MYOM2: variants seen among roughly 807,000 people sequenced by gnomAD.
MYOM2 encodes myomesin-2.
In MYOM2, 254 loss-of-function variants were observed where a neutral mutation model predicts 187.6. The observed-to-expected ratio is 1.35, with a 90% CI of 1.22 to 1.50. MYOM2 has a LOEUF of 1.50. MYOM2 is among the 40% of genes most tolerant of loss of function. The probability of loss-of-function intolerance (pLI) is 0.00; values close to 1 mark genes in which losing one functional copy is unlikely to be tolerated. For missense variants in MYOM2, 2,796 were observed against 1,924.0 expected (o/e 1.45, Z -8.48); for synonymous variants, 981 against 753.8 (o/e 1.30, Z -4.94).
At chr8:2,140,107 T>C (rs1199438173) in intron 32 of MYOM2, among the ~76,000 whole-genome samples, 1 of 152,136 alleles carries the variant, frequency 6.6e-6, no homozygotes, top group Non-Finnish European at 1.5e-5. Context: ...ACAGTTCTAC[T>C]TCCTGTCTCT....
chr8:2,140,815 A>C lies in MYOM2; in HGVS notation c.3893A>C (p.Lys1298Thr), dbSNP rs767480292. The change falls in exon 33 of 37, where the codon AAA (lysine) becomes ACA (threonine). Residue 1298 changes from lysine to threonine, a missense_variant. Transcript: ENST00000262113. Reference sequence around the variant, plus strand: ...ATATGTGAGCCGACTGAGAAGGATAAAGGAAAATACACTTTTGAGATTTTC... The same window carrying C: ...ATATGTGAGCCGACTGAGAAGGATACAGGAAAATACACTTTTGAGATTTTC... Reference protein sequence around the residue: ...LQICEPTEKDKGKYTFEIFDG... With the variant: ...LQICEPTEKDTGKYTFEIFDG... 101 of 1,614,002 alleles carry C rather than the reference A, an allele frequency of 6.3e-5. 4 individuals carry two copies. In the South Asian group the frequency reaches 8.7e-4, roughly 14 times the overall value.
rs375283931 is a variant in MYOM2, at chr8:2,105,541, G to T, written c.2735-701G>T. On this transcript the variant is annotated intron_variant, in intron 21 of 36. Coordinates refer to ENST00000262113, the MANE Select transcript of MYOM2 (RefSeq NM_003970.4). ...GGGGGAGCTTCATGGTGGGCACATG[G>T]CTGCTGGGCTTCCCCTGAGGGTCAG... Among the ~76,000 whole-genome samples, 11 of 152,198 alleles carry T rather than the reference G, an allele frequency of 7.2e-5. No individual in the cohort carries two copies. The South Asian group carries it at 1.0e-3, about 14-fold the overall frequency.
At chr8:2,081,533 G>C (rs1403692719) in intron 13 of MYOM2, among the ~76,000 whole-genome samples, 1 of 152,246 alleles carries the variant, frequency 6.6e-6, no homozygotes, top group African/African-American at 2.4e-5. Context: ...GGATGTGTAG[G>C]AATCCAGCCT....
chr8:2,088,551 C>G (rs1796177403), intron 14 of MYOM2, among the ~76,000 whole-genome samples: 1 of 152,236 alleles, frequency 6.6e-6, no homozygotes, highest in Non-Finnish European at 1.5e-5. Context: ...TGTCAATTCA[C>G]TTAGGATAAC....
At chr8:2,096,226 C>T (rs772561907) in intron 17 of MYOM2, 21 bp from the exon 18 acceptor site, 46 of 1,607,590 alleles carry the variant, frequency 2.9e-5, no homozygotes, top group Non-Finnish European at 3.9e-5. Context: ...TCGGTAACTC[C>T]CTGGTTGTGC....
chr8:2,052,492 A>G (rs1380901956), intron 3 of MYOM2, among the ~76,000 whole-genome samples, 179 bp downstream of exon 3: 1 of 152,182 alleles, frequency 6.6e-6, no homozygotes, highest in African/African-American at 2.4e-5. Context: ...CTTTACCATC[A>G]TTATCTCAAT....
chr8:2,134,508 G>A (rs780530519), intron 32 of MYOM2, among the ~76,000 whole-genome samples: 8 of 116,792 alleles, frequency 6.8e-5, no homozygotes, highest in African/African-American at 3.7e-4. Context: ...TTGTCCCTCC[G>A]CAGACCTGTG....
At chr8:2,105,790 T>A (rs1256417663) in intron 21 of MYOM2, among the ~76,000 whole-genome samples, 1 of 152,198 alleles carries the variant, frequency 6.6e-6, no homozygotes, top group Non-Finnish European at 1.5e-5. Flanking sequence ...AACTGATGAT[T>A]TGGTGTAAGA....
intron 10 of MYOM2, among the ~76,000 whole-genome samples, chr8:2,074,372 C>A (rs570559007): frequency 6.6e-6 from 1 of 152,226 alleles, no homozygotes; most frequent in Admixed American, 6.5e-5. Context: ...GAGCCTGGAA[C>A]CTGAGTTCCT....
intron 25 of MYOM2, among the ~76,000 whole-genome samples, chr8:2,110,685 C>T (rs556082416): frequency 4.9e-4 from 75 of 152,286 alleles, no homozygotes; most frequent in Admixed American, 4.6e-4. Flanking sequence ...TTGTTCATTA[C>T]ACAAGTTTTA....
In MYOM2 at chr8:2,076,170, G is replaced by A. The variant is rs145411559; in HGVS notation, c.1150G>A (p.Gly384Ser). The A allele has an allele frequency of 7.7e-5, 124 of 1,612,678 alleles. No individual in the cohort carries two copies. The highest frequency in any genetic ancestry group is 3.6e-4 in the East Asian group (16 of 44,856). Residue 384 changes from glycine (G) to serine (S), a missense_variant, in exon 11 of 37, where the codon GGT becomes AGT. By Grantham distance (56) the Gly-to-Ser change is moderately conservative (BLOSUM62 0). Coordinates refer to ENST00000262113, the MANE Select transcript of MYOM2 (RefSeq NM_003970.4). ...DADPLVTGAP[G>S]APMDLQCHDA... Reference sequence around the variant, plus strand: ...TGACCCGCTGGTCACAGGGGCCCCCGGTGCACCCATGGACTTGCAGTGCCA... The same window carrying A: ...TGACCCGCTGGTCACAGGGGCCCCCAGTGCACCCATGGACTTGCAGTGCCA...
Position 2,142,530 on chromosome 8 carries a change from C to T in MYOM2, c.4024+133C>T, listed in dbSNP as rs549527457. ...CCCCACCCTGATGTAACAACGCCACCAACACCACACCCTGTCCTGGAGCCC... is the reference window on the plus strand; with the variant it reads ...CCCCACCCTGATGTAACAACGCCACTAACACCACACCCTGTCCTGGAGCCC... On this transcript the variant is annotated intron_variant, in intron 35 of 36. Transcript: ENST00000262113. The T allele has an allele frequency of 1.2e-5, 10 of 851,310 alleles. No individual in the cohort carries two copies. The East Asian group carries it at 1.9e-4, about 17-fold the overall frequency. The allele number at this position is 851,310 out of a possible 1,614,324, so 52.7% of individuals were successfully genotyped here.
chr8:2,093,831 A>T, intron 16 of MYOM2, 139 bp from the exon 17 acceptor site: 2 of 1,003,466 alleles, frequency 2.0e-6, no homozygotes, highest in Non-Finnish European at 1.5e-6. Flanking sequence ...ATGTTGAGCT[A>T]ATTAACTAGA....
intron 6 of MYOM2, among the ~76,000 whole-genome samples, chr8:2,064,170 GC>G (rs1818938174): frequency 6.6e-6 from 1 of 152,184 alleles, no homozygotes; most frequent in East Asian, 1.9e-4. Context: ...GTCTGCCCAG[GC>G]CCCCTGCTTC....
At chr8:2,132,398 G>A (rs73657732) in intron 32 of MYOM2, among the ~76,000 whole-genome samples, 21,175 of 152,182 alleles carry the variant, frequency 0.14, 2,583 homozygotes, top group African/African-American at 0.31. Context: ...AACTTATTCA[G>A]CGTGAGTTAG....
intron 25 of MYOM2, among the ~76,000 whole-genome samples, chr8:2,110,425 TC>T (rs1167465397): frequency 3.3e-5 from 5 of 152,228 alleles, no homozygotes; most frequent in African/African-American, 7.2e-5. Flanking sequence ...TGTCAGGTAC[TC>T]CTTATTTGTC....
intron 1 of MYOM2, among the ~76,000 whole-genome samples, chr8:2,049,300 A>AT (rs1818408078): frequency 6.6e-6 from 1 of 152,142 alleles, no homozygotes; most frequent in Non-Finnish European, 1.5e-5. Flanking sequence ...CCTCTTCTAC[A>AT]TGCTTTTGGG....
chr8:2,101,083 T>C (rs1796694792), intron 20 of MYOM2, 29 bp downstream of exon 20: 1 of 1,610,430 alleles, frequency 6.2e-7, no homozygotes. Flanking sequence ...TGGTGGCTCA[T>C]GCCTGTAATC....
Position 2,139,716 on chromosome 8 carries a change from G to A in MYOM2, c.3801-1007G>A, listed in dbSNP as rs115966575. Among the ~76,000 whole-genome samples the A allele has an allele frequency of 2.2e-3, 331 of 152,194 alleles. 3 individuals are homozygous for A. The highest frequency in any genetic ancestry group is 7.5e-3 in the African/African-American group (312 of 41,526). ...CAGCTCTTGGGTGGCCCTGGAGTCC[G>A]TCCTGTTTTCATGCACCTGTGACTA... On this transcript the variant is annotated intron_variant, in intron 32 of 36. Coordinates refer to ENST00000262113, the MANE Select transcript of MYOM2 (RefSeq NM_003970.4).
Sources: allele counts gnomAD v4.1 joint callset (sites outside exome capture counted in the v4.1 genomes callset), GRCh38; gene constraint gnomAD v4.1.1; transcripts MANE v1.5; gene names NCBI Gene and HGNC (gene_info 2026-07-23, HGNC 2026-07-21).